ASPRV1: variants seen among roughly 807,000 people sequenced by gnomAD.
ASPRV1 encodes the protein retroviral-like aspartic protease 1.
ASPRV1 carries 7 observed loss-of-function variants against 11.0 expected under a neutral mutation model. That is an observed-to-expected ratio of 0.64 (90% CI 0.36 to 1.20). ASPRV1 has a LOEUF of 1.20. Ranked by LOEUF, ASPRV1 falls within the 50% of genes most tolerant of loss-of-function variation. The pLI, the probability that ASPRV1 is intolerant of heterozygous loss-of-function variation, is 0.02. For missense variants in ASPRV1, 299 were observed against 320.0 expected (o/e 0.93, Z 0.50); for synonymous variants, 136 against 138.4 (o/e 0.98, Z 0.12).
the ASPRV1 span, among the ~76,000 whole-genome samples, chr2:70,079,533 A>C: frequency 3.3e-5 from 5 of 152,078 alleles, no homozygotes; most frequent in Non-Finnish European, 5.9e-5. Context: ...GAAGGGATCC[A>C]AGGACTGCTC....
At chr2:70,067,988 TG>T in the ASPRV1 span, among the ~76,000 whole-genome samples, 3 of 152,234 alleles carry the variant, frequency 2.0e-5, no homozygotes, top group Non-Finnish European at 4.4e-5. Flanking sequence ...CCACTGGCCT[TG>T]AGGTTCACGT....
the ASPRV1 span, among the ~76,000 whole-genome samples, chr2:70,001,634 C>T: frequency 6.6e-6 from 1 of 152,122 alleles, no homozygotes. Context: ...GTGGCACATA[C>T]CTGTAACTCT....
At chr2:69,972,827 A>G in the ASPRV1 span, among the ~76,000 whole-genome samples, 1 of 151,978 alleles carries the variant, frequency 6.6e-6, no homozygotes, top group East Asian at 1.9e-4. Context: ...TGCTTGGCAG[A>G]GAAATGGCGA....
the ASPRV1 span, among the ~76,000 whole-genome samples, chr2:70,006,158 A>G: frequency 6.6e-6 from 1 of 152,302 alleles, no homozygotes; most frequent in East Asian, 1.9e-4. Context: ...TGTGACGACT[A>G]AAAATATCTC....
chr2:70,064,419 A>ATG, the ASPRV1 span, among the ~76,000 whole-genome samples: 1 of 152,184 alleles, frequency 6.6e-6, no homozygotes, highest in East Asian at 1.9e-4. Flanking sequence ...AGACAACAAA[A>ATG]TAATTACAAT....
chr2:70,034,342 G>A, the ASPRV1 span, among the ~76,000 whole-genome samples: 37 of 151,690 alleles, frequency 2.4e-4, no homozygotes, highest in Middle Eastern at 0.01. Context: ...GCCGAGGCGG[G>A]CAGAACACCT....
At chr2:69,994,959 G>A in the ASPRV1 span, among the ~76,000 whole-genome samples, 4 of 151,958 alleles carry the variant, frequency 2.6e-5, no homozygotes, top group South Asian at 4.2e-4. Context: ...CCGAGATCGC[G>A]CCGCTGCACT....
At chr2:69,944,178 T>C in the ASPRV1 span, among the ~76,000 whole-genome samples, 1 of 152,216 alleles carries the variant, frequency 6.6e-6, no homozygotes, top group African/African-American at 2.4e-5. Context: ...AGCATCAGGA[T>C]CCCTTGTTTA....
the ASPRV1 span, among the ~76,000 whole-genome samples, chr2:70,065,390 C>CAAAAAAAAAAAAAA: frequency 1.9e-5 from 1 of 52,722 alleles, no homozygotes; most frequent in Non-Finnish European, 3.9e-5. Context: ...GACACCATCT[C>CAAAAAAAAAAAAAA]AAAAAAAAAA....
At chr2:70,082,271 AC>A in the ASPRV1 span, among the ~76,000 whole-genome samples, 9 of 152,070 alleles carry the variant, frequency 5.9e-5, no homozygotes, top group African/African-American at 2.2e-4. Context: ...CAGTACGGCA[AC>A]TTTAAATAGC....
chr2:69,983,690 CG>C, the ASPRV1 span, among the ~76,000 whole-genome samples: 1 of 152,154 alleles, frequency 6.6e-6, no homozygotes, highest in African/African-American at 2.4e-5. Flanking sequence ...AGGGCCTAAG[CG>C]GGCACTGGTG....
the ASPRV1 span, among the ~76,000 whole-genome samples, chr2:70,022,019 G>A: frequency 8.7e-5 from 13 of 149,010 alleles, no homozygotes; most frequent in African/African-American, 3.2e-4. Flanking sequence ...ATTTTGTTTT[G>A]TTTTGTTTTG....
chr2:69,991,037 C>T, the ASPRV1 span, among the ~76,000 whole-genome samples: 129 of 152,176 alleles, frequency 8.5e-4, no homozygotes, highest in African/African-American at 2.6e-3. Flanking sequence ...ACATAAAGAA[C>T]GGTCCCTCTC....
chr2:70,082,682 C>G, the ASPRV1 span, among the ~76,000 whole-genome samples: 1 of 152,166 alleles, frequency 6.6e-6, no homozygotes, highest in Non-Finnish European at 1.5e-5. Context: ...TGCACTCCAT[C>G]CTGGGCAACA....
the ASPRV1 span, chr2:70,018,128 C>T: frequency 6.6e-6 from 1 of 150,768 alleles, no homozygotes; most frequent in African/African-American, 2.4e-5. Context: ...GAGTGAGACT[C>T]CACCTCAAAA....
the ASPRV1 span, chr2:70,048,549 A>C: frequency 1.3e-5 from 2 of 152,542 alleles, no homozygotes; most frequent in Admixed American, 1.3e-4. Context: ...ATCTATGCAC[A>C]GCCAGCACAG....
the ASPRV1 span, among the ~76,000 whole-genome samples, chr2:69,949,476 C>CAGA: frequency 6.6e-6 from 1 of 152,084 alleles, no homozygotes; most frequent in Non-Finnish European, 1.5e-5. Context: ...GTGAGGGCCA[C>CAGA]AGAAAATACC....
At chr2:69,979,952 T>C in the ASPRV1 span, among the ~76,000 whole-genome samples, 7 of 152,198 alleles carry the variant, frequency 4.6e-5, no homozygotes, top group South Asian at 6.2e-4. Flanking sequence ...CAGGCCTAAA[T>C]TGTGCCCATT....
chr2:69,979,853 C>G, the ASPRV1 span, among the ~76,000 whole-genome samples: 1 of 152,202 alleles, frequency 6.6e-6, no homozygotes, highest in Non-Finnish European at 1.5e-5. Context: ...ACTGCTCAGT[C>G]CCCTTCACCA....
Sources: allele counts gnomAD v4.1 joint callset (sites outside exome capture counted in the v4.1 genomes callset), GRCh38; gene constraint gnomAD v4.1.1; transcripts MANE v1.5; gene names NCBI Gene and HGNC (gene_info 2026-07-23, HGNC 2026-07-21).